Variants in RYR3 observed in about 807,000 individuals in gnomAD.
RYR3 encodes the protein brain ryanodine receptor-calcium release channel.
A neutral mutation model predicts 584.3 loss-of-function variants in RYR3; 207 were observed. That is an observed-to-expected ratio of 0.35 (90% CI 0.32 to 0.40). RYR3 has a LOEUF of 0.40. Among genes scored for constraint, RYR3 ranks in the 10% least tolerant of loss-of-function variants. The pLI is 1.00. For synonymous variants in RYR3, 2,416 were observed against 2,248.5 expected, an observed-to-expected ratio of 1.07 and a Z score of -2.11; for missense variants, 5,616 against 6,089.2, an observed-to-expected ratio of 0.92 and a Z score of 2.59.
chr15:33,315,612 G>A (rs942730974), intron 1 of RYR3, among the ~76,000 whole-genome samples: 1 of 152,124 alleles, frequency 6.6e-6, no homozygotes, highest in Non-Finnish European at 1.5e-5. Flanking sequence ...TGCTTCCTTC[G>A]CTTCTCAGAG....
chr15:33,475,078 T>C (rs1358292663), intron 2 of RYR3, among the ~76,000 whole-genome samples: 1 of 152,190 alleles, frequency 6.6e-6, no homozygotes, highest in Non-Finnish European at 1.5e-5. Context: ...TTGTTTTTCA[T>C]TCCCGGCAGT....
intron 1 of RYR3, among the ~76,000 whole-genome samples, chr15:33,433,569 G>C (rs2045396047): frequency 6.6e-6 from 1 of 152,168 alleles, no homozygotes; most frequent in Non-Finnish European, 1.5e-5. Flanking sequence ...GTATGAAAAA[G>C]GGTAAGAAGT....
At chr15:33,589,908 C>A (rs1440143149) in intron 16 of RYR3, among the ~76,000 whole-genome samples, 1 of 152,126 alleles carries the variant, frequency 6.6e-6, no homozygotes, top group Non-Finnish European at 1.5e-5. Flanking sequence ...TCATGTGTGT[C>A]CGTGTGAAGA....
Position 33,722,832 on chromosome 15 carries a change from G to T in RYR3, c.6737G>T (p.Gly2246Val), listed in dbSNP as rs892437858. 1.9e-6 allele frequency: 3 copies of T among 1,611,734 alleles called. No individual in the cohort carries two copies. In the African/African-American group the frequency reaches 4.0e-5, roughly 22 times the overall value. The change falls in exon 44 of 104, where the codon GGT becomes GTT. Residue 2246 changes from glycine to valine, a missense_variant. Gly to Val is a moderately radical substitution (Grantham distance 109). Coordinates refer to ENST00000634891, the MANE Select transcript of RYR3 (RefSeq NM_001036.6). ...GGNGLLAAMQ[G>V]AIKISENPAL... ...AACGGGCTCTTGGCAGCCATGCAGG[G>T]TGCCATTAAGATCTCTGAGAACCCA... is the stretch of plus-strand genomic sequence containing the variant.
chr15:33,530,708 G>T (rs765815896), intron 4 of RYR3, 42 bp downstream of exon 4: 83 of 1,445,010 alleles, frequency 5.7e-5, no homozygotes, highest in Non-Finnish European at 8.1e-5. Context: ...CAAGGAGAAG[G>T]AAAAACTGAA....
At chr15:33,460,793 A>G (rs1478544274) in intron 1 of RYR3, among the ~76,000 whole-genome samples, 1 of 152,086 alleles carries the variant, frequency 6.6e-6, no homozygotes, top group African/African-American at 2.4e-5. Flanking sequence ...GAAGTACTCA[A>G]ACCAGTGCCT....
chr15:33,846,447 C>A (rs145157932), intron 93 of RYR3, among the ~76,000 whole-genome samples: 15 of 152,320 alleles, frequency 9.8e-5, no homozygotes, highest in African/African-American at 3.1e-4. Context: ...TGTCCCAAGT[C>A]CAGATCTAGT....
intron 1 of RYR3, among the ~76,000 whole-genome samples, chr15:33,355,545 G>A (rs1355933704): frequency 6.6e-6 from 1 of 152,216 alleles, no homozygotes; most frequent in Admixed American, 6.5e-5. Flanking sequence ...GTTCGCAAAT[G>A]CTGTGGAAGT....
At chr15:33,853,475 A>G in intron 95 of RYR3, 80 bp from the exon 96 acceptor site, 2 of 1,520,936 alleles carry the variant, frequency 1.3e-6, no homozygotes, top group East Asian at 2.3e-5. Flanking sequence ...ATAGGGCAGC[A>G]AAGCTCTGAA....
chr15:33,319,182 A>G (rs532624858), intron 1 of RYR3, among the ~76,000 whole-genome samples: 1 of 152,354 alleles, frequency 6.6e-6, no homozygotes, highest in Admixed American at 6.5e-5. Flanking sequence ...TTCTCCATCA[A>G]TGGCACATAA....
Position 33,581,454 on chromosome 15 carries a change from G to C in RYR3, c.1438-54G>C, listed in dbSNP as rs2058587538. ...ATACAGGAGGGGAAAGAGCATAAGG[G>C]ACTGTGCTTTCTTAATCAGCAATGT... On this transcript the variant is annotated intron_variant, in intron 13 of 103. Coordinates refer to ENST00000634891, the MANE Select transcript of RYR3 (RefSeq NM_001036.6). 5.1e-6 allele frequency: 8 copies of C among 1,562,698 alleles called. 1 individual carries two copies. The South Asian group carries it at 9.1e-5, about 18-fold the overall frequency.
At position 33,838,824 on chromosome 15, in the gene RYR3, T is replaced by C. The variant is rs1180707843; in HGVS notation, c.12844T>C (p.Phe4282Leu). The change falls in exon 89 of 104, where the codon TTT becomes CTT. Residue 4282 changes from phenylalanine to leucine, a missense_variant. Around this residue, in one of 9 missense-constraint regions of RYR3, gnomAD observed 918 missense variants for 887.4 expected, o/e 1.03. Coordinates refer to ENST00000634891, the MANE Select transcript of RYR3 (RefSeq NM_001036.6). ...KGDTDIMSDL[F>L]GLHPKKEGSL... ...AGATACAGATATCATGTCAGACCTC[T>C]TTGGACTCCACCCAAAGAAAGAGGG... 2 of 1,613,886 alleles carry C rather than the reference T, an allele frequency of 1.2e-6. No homozygotes were observed. Among genetic ancestry groups the C allele is most frequent in the Non-Finnish European group, 1.7e-6 (2 of 1,179,848 alleles).
intron 1 of RYR3, among the ~76,000 whole-genome samples, chr15:33,362,764 A>G (rs1974957614): frequency 6.6e-6 from 1 of 152,148 alleles, no homozygotes. Context: ...ATCCTACACC[A>G]TGACTGTCCT....
chr15:33,600,239 G>C (rs2059591142), intron 16 of RYR3, among the ~76,000 whole-genome samples: 1 of 152,094 alleles, frequency 6.6e-6, no homozygotes, highest in Non-Finnish European at 1.5e-5. Context: ...ATTGGTTTGT[G>C]AGAATTATGG....
chr15:33,635,820 G>T lies in RYR3; in HGVS notation c.3381+1G>T, dbSNP rs1312792105. On this transcript the variant is annotated splice_donor_variant, in intron 26 of 103. Transcript: ENST00000634891. LOFTEE classifies it high-confidence loss of function. ...AGCCTTTGTGTTTGAAGGCAACAGG[G>T]TGAGTTTATATATCTAGCAAACACC... The T allele has an allele frequency of 6.2e-7, 1 of 1,609,888 alleles. No individual in the cohort carries two copies. Among genetic ancestry groups the T allele is most frequent in the Non-Finnish European group, 8.5e-7 (1 of 1,179,050 alleles).
intron 10 of RYR3, among the ~76,000 whole-genome samples, chr15:33,553,045 C>T (rs1377823677): frequency 6.6e-6 from 1 of 152,098 alleles, no homozygotes; most frequent in Admixed American, 6.5e-5. Context: ...CAAATGGTAG[C>T]CTGAGATAGC....
chr15:33,695,730 C>G (rs1276203827), intron 38 of RYR3, among the ~76,000 whole-genome samples: 3 of 151,956 alleles, frequency 2.0e-5, no homozygotes, highest in African/African-American at 7.2e-5. Flanking sequence ...GTTTATTTGT[C>G]TTTTGATGAT....
intron 42 of RYR3, 51 bp from the exon 43 acceptor site, chr15:33,706,868 A>G (rs913390154): frequency 1.1e-4 from 160 of 1,513,884 alleles, no homozygotes; most frequent in Non-Finnish European, 1.1e-4. Context: ...TGTGTTTTTT[A>G]ATAGCCATCC....
intron 3 of RYR3, among the ~76,000 whole-genome samples, chr15:33,526,797 G>A (rs370176753): frequency 8.7e-4 from 132 of 152,204 alleles, no homozygotes; most frequent in African/African-American, 3.1e-3. Context: ...TATATTCTAG[G>A]GGGAGAGAGA....
Sources: allele counts gnomAD v4.1 joint callset (sites outside exome capture counted in the v4.1 genomes callset), GRCh38; gene constraint gnomAD v4.1.1; regional missense constraint gnomAD v4.1.1; transcripts MANE v1.5; gene names NCBI Gene and HGNC (gene_info 2026-07-23, HGNC 2026-07-21).